The following MYO1B variants were observed in gnomAD, a reference collection of about 807,000 sequenced individuals.
MYO1B encodes the protein myosin IB, also known as unconventional myosin-Ib.
In MYO1B, 72 loss-of-function variants were observed where a neutral mutation model predicts 159.7. The ratio of observed to expected loss-of-function variants is 0.45; its 90% confidence interval spans 0.37 to 0.55. The LOEUF (loss-of-function observed/expected upper bound fraction) is 0.55, where lower values mean the gene tolerates loss of function less well. MYO1B is among the 20% of genes least tolerant of loss of function. The pLI is 0.00. For synonymous variants in MYO1B, 468 were observed against 473.8 expected (o/e 0.99, Z 0.16); for missense variants, 1,062 against 1,364.8 (o/e 0.78, Z 3.50).
intron 1 of MYO1B, among the ~76,000 whole-genome samples, chr2:191,276,136 G>T (rs1455751785): frequency 6.6e-6 from 1 of 152,186 alleles, no homozygotes; most frequent in African/African-American, 2.4e-5. Flanking sequence ...GTTGGTACAA[G>T]AATTAAAAAC....
chr2:191,310,172 T>G (rs1273565194), intron 3 of MYO1B, among the ~76,000 whole-genome samples: 1 of 152,202 alleles, frequency 6.6e-6, no homozygotes, highest in African/African-American at 2.4e-5. Flanking sequence ...GGTTCAGAAA[T>G]TCTGAAGATG....
chr2:191,276,920 T>C lies in MYO1B; in HGVS notation c.25T>C (p.Ser9Pro). MAKMEVKT[S>P]LLDNMIGVGD... ...CATGGCCAAAATGGAGGTGAAAACC[T>C]CACTTCTGGACAATATGATTGGAGT... Residue 9 changes from serine (S) to proline (P), a missense_variant, in exon 2 of 31, where the codon TCA (serine) becomes CCA (proline). By Grantham distance (74) the Ser-to-Pro change is moderately conservative. Around this residue, in one of 5 missense-constraint regions of MYO1B, gnomAD observed 415 missense variants for 544.0 expected, o/e 0.76. Transcript: ENST00000392318. 1 of 1,611,210 alleles carries C rather than the reference T, an allele frequency of 6.2e-7. No homozygotes were observed. Among genetic ancestry groups the C allele is most frequent in the Non-Finnish European group, 8.5e-7 (1 of 1,179,176 alleles).
chr2:191,350,711 T>C (rs181180382), intron 7 of MYO1B, among the ~76,000 whole-genome samples: 1 of 152,064 alleles, frequency 6.6e-6, no homozygotes, highest in African/African-American at 2.4e-5. Flanking sequence ...ATTTAAGTGA[T>C]TGGAATGTGA....
chr2:191,402,447 A>G, intron 23 of MYO1B, 185 bp from the exon 24 acceptor site: 1 of 595,018 alleles, frequency 1.7e-6, no homozygotes, highest in Non-Finnish European at 3.0e-6. Flanking sequence ...CAGTGCACTG[A>G]AAATATAAGC....
intron 2 of MYO1B, among the ~76,000 whole-genome samples, chr2:191,287,661 AT>A (rs1424750486): frequency 6.6e-6 from 1 of 152,214 alleles, no homozygotes; most frequent in Non-Finnish European, 1.5e-5. Context: ...ACATTGAAGA[AT>A]TATTATTATG....
rs535934497 is a variant in MYO1B, at chr2:191,401,131, G to A, written c.2469+296G>A. On this transcript the variant is annotated intron_variant, in intron 23 of 30. Coordinates refer to ENST00000392318, the MANE Select transcript of MYO1B (RefSeq NM_001130158.3). ...AACATGCATGTTTAGGTTCCCCCCCGCCCCCATTGATGAATGCTAGCAGTT... is the reference window on the plus strand; with the variant it reads ...AACATGCATGTTTAGGTTCCCCCCCACCCCCATTGATGAATGCTAGCAGTT... Among the ~76,000 whole-genome samples the A allele has an allele frequency of 6.0e-5, 9 of 149,954 alleles. No homozygotes were observed. In the East Asian group the frequency reaches 1.2e-3, roughly 20 times the overall value.
chr2:191,342,595 C>T lies in MYO1B; in HGVS notation c.451+1030C>T, dbSNP rs188328198. ...GGCACAGTGGCTCACACCTGTAATC[C>T]CAGCTCTTTGGGAGGCCAAGGCGGG... On this transcript the variant is annotated intron_variant, in intron 5 of 30. Coordinates refer to ENST00000392318, the MANE Select transcript of MYO1B (RefSeq NM_001130158.3). 6.0e-4 allele frequency among the ~76,000 whole-genome samples: 92 copies of T among 152,274 alleles called. 1 individual carries two copies. The East Asian group carries it at 0.013, about 21-fold the overall frequency.
At position 191,402,615 on chromosome 2, in the gene MYO1B, T is replaced by C. The variant is rs752434630; in HGVS notation, c.2470-17T>C. The stretch of plus-strand genomic sequence containing the variant: ...GCATTGGGCTGTCTCTTTTATTTAC[T>C]ATCTAAAACATTCTAGGCTCGAAGG... On this transcript the variant is annotated splice_polypyrimidine_tract_variant and intron_variant, in intron 23 of 30. Transcript: ENST00000392318. The C allele has an allele frequency of 6.2e-7, 1 of 1,610,536 alleles. No individual in the cohort carries two copies. The highest frequency in any genetic ancestry group is 1.1e-5 in the South Asian group (1 of 90,426).
chr2:191,341,515 A>G lies in MYO1B; in HGVS notation c.401A>G (p.Glu134Gly). ...YVAAVCGKGA[E>G]VNQVKEQLLQ... ...GCAGCTGTTTGTGGAAAAGGAGCAG[A>G]AGTTAATCAAGTTAAAGAACAGCTT... The change falls in exon 5 of 31, where the codon GAA becomes GGA. Residue 134 changes from glutamate (E) to glycine (G), a missense_variant. Physicochemically the swap from Glu to Gly is moderately conservative, Grantham distance 98. This residue lies in a region of MYO1B where 415 missense variants were observed against 544.0 expected (regional missense o/e 0.76). Coordinates refer to ENST00000392318, the MANE Select transcript of MYO1B (RefSeq NM_001130158.3). 6.2e-7 allele frequency: 1 copy of G among 1,614,044 alleles called. No individual in the cohort carries two copies. Among genetic ancestry groups the G allele is most frequent in the Non-Finnish European group, 8.5e-7 (1 of 1,179,978 alleles).
At chr2:191,405,997 C>T (rs1451631629) in intron 24 of MYO1B, among the ~76,000 whole-genome samples, 1 of 152,228 alleles carries the variant, frequency 6.6e-6, no homozygotes, top group Non-Finnish European at 1.5e-5. Context: ...CAATAGCAGG[C>T]TGTTTTGTCT....
chr2:191,396,663 G>T (rs1300081359), intron 21 of MYO1B, among the ~76,000 whole-genome samples, 166 bp downstream of exon 21: 1 of 152,164 alleles, frequency 6.6e-6, no homozygotes, highest in Non-Finnish European at 1.5e-5. Context: ...GGGGACCCTG[G>T]TGACCATGTC....
intron 19 of MYO1B, 27 bp from the exon 20 acceptor site, chr2:191,393,046 A>G (rs1048057312): frequency 6.3e-7 from 1 of 1,597,446 alleles, no homozygotes; most frequent in East Asian, 2.2e-5. Flanking sequence ...AGGATTTTTG[A>G]TAAGTCCATC....
intron 11 of MYO1B, among the ~76,000 whole-genome samples, chr2:191,367,263 C>G (rs1464769141): frequency 2.0e-5 from 3 of 152,008 alleles, no homozygotes; most frequent in African/African-American, 7.3e-5. Flanking sequence ...GAATCAGGCT[C>G]AGGAAGTCAG....
chr2:191,393,474 A>G (rs1695886490), intron 20 of MYO1B, among the ~76,000 whole-genome samples: 1 of 152,218 alleles, frequency 6.6e-6, no homozygotes, highest in Non-Finnish European at 1.5e-5. Flanking sequence ...TTAGAGCTCA[A>G]GTTCAGTGTG....
At chr2:191,393,323 C>A (rs1695875244) in intron 20 of MYO1B, 101 bp downstream of exon 20, 3 of 1,306,318 alleles carry the variant, frequency 2.3e-6, no homozygotes, top group Non-Finnish European at 1.1e-6. Context: ...TTAATTCTCC[C>A]AACAACCTCA....
intron 4 of MYO1B, among the ~76,000 whole-genome samples, chr2:191,338,182 ATT>A (rs201784854): frequency 6.7e-6 from 1 of 150,016 alleles, no homozygotes; most frequent in African/African-American, 2.5e-5. Flanking sequence ...AAATAGTGTG[ATT>A]TTTTTTTTTG....
At chr2:191,392,510 G>A (rs560205522) in intron 19 of MYO1B, among the ~76,000 whole-genome samples, 3 of 152,264 alleles carry the variant, frequency 2.0e-5, no homozygotes, top group African/African-American at 7.2e-5. Flanking sequence ...GTCTGTATTT[G>A]TAATACCTGA....
chr2:191,386,000 G>A lies in MYO1B; in HGVS notation c.1470G>A (p.Glu490=), dbSNP rs13018796. The A allele has an allele frequency of 0.94, 1,521,203 of 1,613,938 alleles. 728,100 individuals carry two copies. The highest frequency in any genetic ancestry group is 0.98 in the Non-Finnish European group (1,154,714 of 1,179,982). ...NQVCATHQHF[E]SRMSKCSRFL... is the part of the protein sequence containing the mutation. ...TATGTGCCACCCACCAGCATTTTGA[G>A]AGCAGGATGAGCAAGTGCTCTCGGT... The change falls in exon 16 of 31, where the codon GAG becomes GAA. Residue 490 remains glutamate, a synonymous_variant. Coordinates refer to ENST00000392318, the MANE Select transcript of MYO1B (RefSeq NM_001130158.3).
chr2:191,421,665 G>T (rs556573501), intron 30 of MYO1B, among the ~76,000 whole-genome samples: 3 of 152,082 alleles, frequency 2.0e-5, no homozygotes, highest in African/African-American at 4.8e-5. Context: ...TAGTAGAGAC[G>T]TGGGTTTGCC....
Sources: gnomAD v4.1 joint callset for allele counts (sites outside exome capture counted in the v4.1 genomes callset) on GRCh38, gnomAD v4.1.1 for gene constraint, gnomAD v4.1.1 regional missense constraint, MANE v1.5 for transcripts, NCBI Gene and HGNC (gene_info 2026-07-23, HGNC 2026-07-21) for gene names.